ITGA4: variants seen among roughly 807,000 people sequenced by gnomAD.
The protein encoded by ITGA4 is integrin subunit alpha 4, also known as integrin alpha-4.
ITGA4 carries 63 observed loss-of-function variants against 133.6 expected under a neutral mutation model. That is an observed-to-expected ratio of 0.47 (90% CI 0.38 to 0.58). The LOEUF (loss-of-function observed/expected upper bound fraction) is 0.58. ITGA4 is among the 20% of genes least tolerant of loss of function. The probability of loss-of-function intolerance (pLI) is 0.00; values close to 1 mark genes in which losing one functional copy is unlikely to be tolerated. For synonymous variants in ITGA4, 483 were observed against 438.0 expected (o/e 1.10, Z -1.28); for missense variants, 1,076 against 1,252.7 (o/e 0.86, Z 2.13).
chr2:181,532,171 C>T (rs1686957966), intron 25 of ITGA4, among the ~76,000 whole-genome samples: 2 of 152,094 alleles, frequency 1.3e-5, no homozygotes, highest in Non-Finnish European at 2.9e-5. Flanking sequence ...CCTTGTAGTA[C>T]AGTTTGAAGT....
Position 181,457,873 on chromosome 2 carries a change from C to A in ITGA4, c.197+22C>A, listed in dbSNP as rs202174387. On this transcript the variant is annotated intron_variant, in intron 1 of 27. Coordinates refer to ENST00000397033, the MANE Select transcript of ITGA4 (RefSeq NM_000885.6). Reference sequence around the variant, plus strand: ...GATGGTGAGTAGAGTTGGACTGATGCGCCCTCAGCAGCTCAGAGCGGCGTG... The same window carrying A: ...GATGGTGAGTAGAGTTGGACTGATGAGCCCTCAGCAGCTCAGAGCGGCGTG... 6.3e-6 allele frequency: 10 copies of A among 1,584,644 alleles called. No homozygotes were observed. The African/African-American group carries it at 6.7e-5, about 11-fold the overall frequency.
At position 181,528,589 on chromosome 2, in the gene ITGA4, C is replaced by T. The variant is rs76921887; in HGVS notation, c.2431-952C>T. Among the ~76,000 whole-genome samples the T allele has an allele frequency of 3.7e-3, 564 of 152,254 alleles. 4 individuals are homozygous for T. The highest frequency in any genetic ancestry group is 0.013 in the African/African-American group (525 of 41,546). The stretch of plus-strand genomic sequence containing the variant: ...AGATATTTAATGGCATCCAGAAGAC[C>T]TTGTCTGTAGTATTGGGCACTGCTA... On this transcript the variant is annotated intron_variant, in intron 22 of 27. Coordinates refer to ENST00000397033, the MANE Select transcript of ITGA4 (RefSeq NM_000885.6).
chr2:181,484,695 G>A (rs972767955), intron 9 of ITGA4, among the ~76,000 whole-genome samples: 12 of 152,308 alleles, frequency 7.9e-5, no homozygotes, highest in South Asian at 4.1e-4. Flanking sequence ...CTGACCCCAG[G>A]ACTTCAGGAT....
rs148318704 is a variant in ITGA4 at position 181,519,501 on chromosome 2, A to C, written c.1923-2690A>C. 3.2e-3 allele frequency among the ~76,000 whole-genome samples: 484 copies of C among 152,284 alleles called. 4 individuals carry two copies. Among genetic ancestry groups the C allele is most frequent in the African/African-American group, 0.011 (462 of 41,576 alleles). On this transcript the variant is annotated intron_variant, in intron 17 of 27. Coordinates refer to ENST00000397033, the MANE Select transcript of ITGA4 (RefSeq NM_000885.6). ...GGAAGAATTTTCTAGCATTAAGTGA[A>C]GTGTCCATTTTCTTAGAAGTTACAT...
At chr2:181,463,893 G>T (rs889534978) in intron 2 of ITGA4, among the ~76,000 whole-genome samples, 8 of 152,084 alleles carry the variant, frequency 5.3e-5, no homozygotes, top group Non-Finnish European at 1.0e-4. Context: ...CCTACAGTTC[G>T]AGAAGTGATT....
At chr2:181,474,625 C>G (rs1248203855) in intron 2 of ITGA4, among the ~76,000 whole-genome samples, 1 of 152,170 alleles carries the variant, frequency 6.6e-6, no homozygotes, top group African/African-American at 2.4e-5. Flanking sequence ...ATGGCTAATT[C>G]TTTTCCAAAC....
chr2:181,466,526 T>G (rs1685419126), intron 2 of ITGA4, among the ~76,000 whole-genome samples: 2 of 152,072 alleles, frequency 1.3e-5, no homozygotes. Context: ...AGGAAAAGAG[T>G]TCTAGAAGTT....
intron 17 of ITGA4, among the ~76,000 whole-genome samples, chr2:181,513,241 A>C (rs1471490720): frequency 6.6e-6 from 1 of 151,964 alleles, no homozygotes; most frequent in Non-Finnish European, 1.5e-5. Context: ...GCATGCCTAC[A>C]CTGCTGATGC....
intron 2 of ITGA4, among the ~76,000 whole-genome samples, chr2:181,471,743 C>G (rs937727359): frequency 6.6e-6 from 1 of 152,182 alleles, no homozygotes; most frequent in Non-Finnish European, 1.5e-5. Flanking sequence ...TTTGGAATCT[C>G]TTCTGCTCAC....
rs77496071 is a variant in ITGA4, at chr2:181,537,837, T to C, written c.*2310T>C. ...AGAGGCTAATTGTTAGTAACATCAA[T>C]TTCTATTAGGATATCCGTTTGGCCA... On this transcript the variant is annotated 3_prime_UTR_variant, in exon 28 of 28. Transcript: ENST00000397033. The C allele has an allele frequency of 7.1e-3, 3,481 of 488,766 alleles. 96 individuals are homozygous for C. Among genetic ancestry groups the C allele is most frequent in the African/African-American group, 0.062 (3,192 of 51,670 alleles). The allele number at this position is 488,766 out of a possible 1,614,324, so 30.3% of individuals were successfully genotyped here. A position where few individuals can be genotyped will look rare whatever the true frequency, so the allele number is the denominator to read the frequency against.
Position 181,537,139 on chromosome 2 carries a change from CGTT to C in ITGA4, c.*1613_*1615del. The C allele has an allele frequency of 2.2e-6, 1 of 453,324 alleles. No homozygotes were observed. Among genetic ancestry groups the C allele is most frequent in the Non-Finnish European group, 4.4e-6 (1 of 226,556 alleles). The allele number at this position is 453,324 out of a possible 1,614,324, so 28.1% of individuals were successfully genotyped here. A position where few individuals can be genotyped will look rare whatever the true frequency, so the allele number is the denominator to read the frequency against. The stretch of plus-strand genomic sequence containing the variant: ...TATGTATTTTTAAAAAACTTTGTAT[CGTT>C]ATAAAAAGGCTAGTCATTCTTTCAG... On this transcript the variant is annotated 3_prime_UTR_variant, in exon 28 of 28. Coordinates refer to ENST00000397033, the MANE Select transcript of ITGA4 (RefSeq NM_000885.6).
rs138320971 is a variant in ITGA4 at position 181,524,301 on chromosome 2, AGG to A, written c.2249+58_2249+59del. On this transcript the variant is annotated intron_variant, in intron 20 of 27. Coordinates refer to ENST00000397033, the MANE Select transcript of ITGA4 (RefSeq NM_000885.6). ...ACTAGAAATATACCCCCATATTCTG[AGG>A]GGGGGGAATTAGGAGAACCGTAAAA... 3,380 of 1,006,780 alleles carry A rather than the reference AGG, an allele frequency of 3.4e-3. 89 individuals are homozygous for A. The African/African-American group carries it at 0.052, about 16-fold the overall frequency. 62.4% of individuals were successfully genotyped at this position (1,006,780 alleles called of 1,614,324 possible). A position where few individuals can be genotyped will look rare whatever the true frequency, so the allele number is the denominator to read the frequency against.
At position 181,482,383 on chromosome 2, in the gene ITGA4, A is replaced by G. The variant is rs750772763; in HGVS notation, c.864A>G (p.Glu288=). Reference sequence around the variant, plus strand: ...AGGCATATATATTCAGCATTGATGAAAAAGAACTAAATATCTTACATGAAA... The same window carrying G: ...AGGCATATATATTCAGCATTGATGAGAAAGAACTAAATATCTTACATGAAA... ...IGKAYIFSID[E]KELNILHEMK... The change falls in exon 8 of 28, where the codon GAA becomes GAG. Residue 288 remains glutamate, a synonymous_variant. Coordinates refer to ENST00000397033, the MANE Select transcript of ITGA4 (RefSeq NM_000885.6). 5.1e-5 allele frequency: 83 copies of G among 1,612,614 alleles called. No individual in the cohort carries two copies. In the Admixed American group the frequency reaches 1.4e-3, roughly 27 times the overall value.
chr2:181,458,396 G>T, intron 2 of ITGA4, 79 bp downstream of exon 2: 1 of 1,520,972 alleles, frequency 6.6e-7, no homozygotes, highest in Non-Finnish European at 9.0e-7. Context: ...GTCCTGGAAA[G>T]ATTCACGTTG....
rs765631111 is a variant in ITGA4 at position 181,535,565 on chromosome 2, A to C, written c.*38A>C. The C allele has an allele frequency of 3.1e-5, 48 of 1,550,094 alleles. No individual in the cohort carries two copies. Among genetic ancestry groups the C allele is most frequent in the Non-Finnish European group, 2.3e-5 (26 of 1,152,640 alleles). ...AATTGAGAGAATGGAAAACAGACTC[A>C]GGTTGTAGTAAAGAAATTTAAAAGA... is the stretch of plus-strand genomic sequence containing the variant. On this transcript the variant is annotated 3_prime_UTR_variant, in exon 28 of 28. Transcript: ENST00000397033.
chr2:181,479,188 A>G (rs772014354), intron 5 of ITGA4: 29 of 158,614 alleles, frequency 1.8e-4, no homozygotes, highest in Admixed American at 3.2e-4. Flanking sequence ...CAAAGGAAGA[A>G]TATCAGTCTA....
At chr2:181,490,525 GTC>G (rs1294466921) in intron 10 of ITGA4, among the ~76,000 whole-genome samples, 6 of 116,494 alleles carry the variant, frequency 5.2e-5, no homozygotes, top group African/African-American at 1.4e-4. Context: ...GTGTGTGTGT[GTC>G]TGTGTGTGTG....
At chr2:181,532,183 G>A (rs982229039) in intron 25 of ITGA4, among the ~76,000 whole-genome samples, 5 of 152,132 alleles carry the variant, frequency 3.3e-5, no homozygotes, top group African/African-American at 7.2e-5. Context: ...GTTTGAAGTC[G>A]GGTAGCCTGA....
chr2:181,488,407 G>A, intron 10 of ITGA4, among the ~76,000 whole-genome samples: 1 of 152,026 alleles, frequency 6.6e-6, no homozygotes, highest in Non-Finnish European at 1.5e-5. Context: ...AGGTTATTAT[G>A]CAAATGATTT....
Sources: gnomAD v4.1 joint callset for allele counts (sites outside exome capture counted in the v4.1 genomes callset) on GRCh38, gnomAD v4.1.1 for gene constraint, MANE v1.5 for transcripts, NCBI Gene and HGNC (gene_info 2026-07-23, HGNC 2026-07-21) for gene names.